FOXP1: variants seen among roughly 807,000 people sequenced by gnomAD.
The protein encoded by FOXP1 is forkhead box P1, also known as forkhead box protein P1.
Under a neutral mutation model 98.2 loss-of-function variants are expected in FOXP1, and 15 were observed. The observed-to-expected ratio is 0.15, with a 90% confidence interval of 0.10 to 0.24. The LOEUF (loss-of-function observed/expected upper bound fraction) is 0.24. Ranked by LOEUF, FOXP1 falls within the 10% of genes least tolerant of loss-of-function variation. The pLI is 1.00. For missense variants in FOXP1, 633 were observed against 848.5 expected, an observed-to-expected ratio of 0.75 and a Z score of 3.15; for synonymous variants, 371 against 314.5, an observed-to-expected ratio of 1.18 and a Z score of -1.90.
chr3:71,378,512 A>G (rs2079901761), intron 3 of FOXP1, among the ~76,000 whole-genome samples: 1 of 152,076 alleles, frequency 6.6e-6, no homozygotes, highest in Admixed American at 6.5e-5. Flanking sequence ...TGCTTTGTCC[A>G]GGGTCTCCAT....
At chr3:71,494,029 A>G (rs1242630405) in intron 2 of FOXP1, among the ~76,000 whole-genome samples, 1 of 152,214 alleles carries the variant, frequency 6.6e-6, no homozygotes, top group African/African-American at 2.4e-5. Context: ...AAAGGTAATC[A>G]TCATTTTTTT....
At chr3:71,343,756 T>C (rs1044864634) in intron 4 of FOXP1, among the ~76,000 whole-genome samples, 1 of 152,110 alleles carries the variant, frequency 6.6e-6, no homozygotes, top group Non-Finnish European at 1.5e-5. Flanking sequence ...CTCGAACTCC[T>C]GACCTTAAGT....
intron 5 of FOXP1, among the ~76,000 whole-genome samples, chr3:71,227,713 C>G (rs1223234609): frequency 6.7e-6 from 1 of 149,912 alleles, no homozygotes; most frequent in Non-Finnish European, 1.5e-5. Flanking sequence ...AAAATGGTTA[C>G]CATCATGCTC....
chr3:71,563,070 G>A (rs1490261293), intron 2 of FOXP1, among the ~76,000 whole-genome samples: 1 of 152,152 alleles, frequency 6.6e-6, no homozygotes, highest in South Asian at 2.1e-4. Flanking sequence ...GGCCATGCAA[G>A]GCAAAGTGGG....
At chr3:71,036,271 G>C (rs948119635) in intron 11 of FOXP1, among the ~76,000 whole-genome samples, 1 of 152,150 alleles carries the variant, frequency 6.6e-6, no homozygotes, top group Non-Finnish European at 1.5e-5. Context: ...ATGAGAACGA[G>C]GCAAGGACTA....
intron 2 of FOXP1, among the ~76,000 whole-genome samples, chr3:71,567,378 A>C (rs898071425): frequency 5.9e-5 from 9 of 151,934 alleles, no homozygotes; most frequent in African/African-American, 1.9e-4. Flanking sequence ...AAACGCAGAG[A>C]CTCCGTCATT....
chr3:71,502,281 C>T (rs2041450674), intron 2 of FOXP1, among the ~76,000 whole-genome samples: 1 of 152,216 alleles, frequency 6.6e-6, no homozygotes, highest in Admixed American at 6.5e-5. Context: ...CCCCAAGGCC[C>T]AGGGGAGCCT....
intron 6 of FOXP1, among the ~76,000 whole-genome samples, chr3:71,125,889 G>A (rs775858630): frequency 1.2e-4 from 19 of 152,130 alleles, no homozygotes; most frequent in Non-Finnish European, 1.8e-4. Context: ...TCTACCATTC[G>A]CTAGCTGTGT....
intron 3 of FOXP1, among the ~76,000 whole-genome samples, chr3:71,451,328 A>T (rs964786761): frequency 2.0e-5 from 3 of 152,224 alleles, no homozygotes; most frequent in Admixed American, 6.5e-5. Context: ...CAGTCCCTTT[A>T]TAAAAGGATT....
intron 12 of FOXP1, among the ~76,000 whole-genome samples, chr3:71,005,235 G>A (rs934066155): frequency 2.2e-5 from 3 of 135,690 alleles, no homozygotes; most frequent in East Asian, 2.3e-4. Context: ...CCAGTGAGCT[G>A]ACACTGAGAC....
At chr3:71,044,762 G>A (rs1047530149) in intron 10 of FOXP1, among the ~76,000 whole-genome samples, 1 of 152,188 alleles carries the variant, frequency 6.6e-6, no homozygotes, top group Non-Finnish European at 1.5e-5. Context: ...TTTAAAAAAT[G>A]TATGTTGTGG....
chr3:71,422,988 A>G (rs902451892), intron 3 of FOXP1, among the ~76,000 whole-genome samples: 1 of 152,210 alleles, frequency 6.6e-6, no homozygotes, highest in African/African-American at 2.4e-5. Context: ...GAGAAAACTA[A>G]AACTCATTCA....
intron 3 of FOXP1, among the ~76,000 whole-genome samples, chr3:71,365,872 A>G (rs1338194898): frequency 6.6e-6 from 1 of 152,200 alleles, no homozygotes; most frequent in Non-Finnish European, 1.5e-5. Flanking sequence ...AGTCCCAGCT[A>G]CTAGGGAGGC....
chr3:71,001,835 A>C (rs893841518), intron 12 of FOXP1, among the ~76,000 whole-genome samples: 1 of 152,212 alleles, frequency 6.6e-6, no homozygotes, highest in Non-Finnish European at 1.5e-5. Context: ...TCAAAGCCTA[A>C]AGTCTTGAAA....
chr3:71,119,374 T>C (rs1046116060), intron 6 of FOXP1, among the ~76,000 whole-genome samples: 2 of 152,198 alleles, frequency 1.3e-5, no homozygotes, highest in Admixed American at 6.5e-5. Context: ...GAAAGGCTGG[T>C]CTGAGTCAGC....
At chr3:71,082,060 C>T (rs2054482867) in intron 7 of FOXP1, among the ~76,000 whole-genome samples, 1 of 152,286 alleles carries the variant, frequency 6.6e-6, no homozygotes, top group African/African-American at 2.4e-5. Context: ...GGGCAGATCA[C>T]TTGAGGTCAG....
intron 2 of FOXP1, among the ~76,000 whole-genome samples, chr3:71,524,900 C>T (rs6764416): frequency 0.32 from 48,628 of 152,046 alleles, 8,920 homozygotes; most frequent in Non-Finnish European, 0.42. Flanking sequence ...AACAGGTCAC[C>T]GTGCGGCCCA....
At chr3:71,122,427 G>T (rs142170446) in intron 6 of FOXP1, among the ~76,000 whole-genome samples, 4 of 152,088 alleles carry the variant, frequency 2.6e-5, no homozygotes, top group Non-Finnish European at 4.4e-5. Context: ...ATATTAGGAT[G>T]GGGGGGAATC....
chr3:71,085,159 C>A (rs2054895084), intron 7 of FOXP1, among the ~76,000 whole-genome samples: 1 of 152,034 alleles, frequency 6.6e-6, no homozygotes. Flanking sequence ...CTTTTCTTTT[C>A]TGAGACGAGG....
Sources: gnomAD v4.1 joint callset for allele counts (sites outside exome capture counted in the v4.1 genomes callset) on GRCh38, gnomAD v4.1.1 for gene constraint, MANE v1.5 for transcripts, NCBI Gene and HGNC (gene_info 2026-07-23, HGNC 2026-07-21) for gene names.